The following UPF2 variants were observed in gnomAD, a reference collection of about 807,000 sequenced individuals.
UPF2 encodes regulator of nonsense transcripts 2.
Under a neutral mutation model 141.4 loss-of-function variants are expected in UPF2, and 17 were observed. The ratio of observed to expected loss-of-function variants is 0.12; its 90% CI spans 0.08 to 0.18. The LOEUF is 0.18. Among genes scored for constraint, UPF2 ranks in the 10% least tolerant of loss-of-function variants. The pLI, the probability that UPF2 is intolerant of heterozygous loss-of-function variation, is 1.00. For synonymous variants in UPF2, 540 were observed against 498.0 expected (o/e 1.08, Z -1.12); for missense variants, 1,152 against 1,515.9 (o/e 0.76, Z 3.99).
chr10:11,944,621 A>C (rs961126879), intron 16 of UPF2, among the ~76,000 whole-genome samples: 1 of 152,224 alleles, frequency 6.6e-6, no homozygotes, highest in Non-Finnish European at 1.5e-5. Context: ...GCTCTTGAAA[A>C]AATGAATCCT....
intron 15 of UPF2, among the ~76,000 whole-genome samples, chr10:11,951,080 G>C (rs1016674813): frequency 3.3e-5 from 5 of 151,946 alleles, no homozygotes; most frequent in African/African-American, 7.3e-5. Context: ...TTATTTTTTT[G>C]AGATGGAGTT....
At chr10:12,031,597 G>T (rs544112386) in intron 2 of UPF2, among the ~76,000 whole-genome samples, 3 of 152,064 alleles carry the variant, frequency 2.0e-5, no homozygotes, top group African/African-American at 7.2e-5. Flanking sequence ...AACATAGTAA[G>T]ACCCAATCTC....
intron 18 of UPF2, among the ~76,000 whole-genome samples, chr10:11,938,950 G>A (rs917860555): frequency 5.1e-4 from 67 of 131,720 alleles, no homozygotes; most frequent in African/African-American, 1.8e-3. Flanking sequence ...TCAGCTCACT[G>A]AAACCTCTGC....
intron 18 of UPF2, among the ~76,000 whole-genome samples, chr10:11,938,862 T>TTTTTTTTTTTG (rs1832894101): frequency 1.3e-5 from 1 of 79,858 alleles, no homozygotes; most frequent in African/African-American, 4.3e-5. Context: ...TGTTTTTTTT[T>TTTTTTTTTTTG]TTTTTTTTTT....
chr10:12,010,679 A>C (rs909322555), intron 4 of UPF2, among the ~76,000 whole-genome samples: 1 of 152,200 alleles, frequency 6.6e-6, no homozygotes, highest in Non-Finnish European at 1.5e-5. Flanking sequence ...TTGAAAAATA[A>C]AGGTCAAGAT....
intron 2 of UPF2, among the ~76,000 whole-genome samples, chr10:12,029,924 C>G (rs1834486433): frequency 6.7e-6 from 1 of 150,204 alleles, no homozygotes. Flanking sequence ...TGACACTGCA[C>G]TCTAGTCTGG....
At chr10:11,927,887 G>A (rs1446612302) in intron 21 of UPF2, among the ~76,000 whole-genome samples, 1 of 152,126 alleles carries the variant, frequency 6.6e-6, no homozygotes, top group Non-Finnish European at 1.5e-5. Flanking sequence ...AGGCTCTGAT[G>A]ACTACATTTT....
At chr10:11,982,467 T>G (rs1833615026) in intron 8 of UPF2, among the ~76,000 whole-genome samples, 1 of 152,166 alleles carries the variant, frequency 6.6e-6, no homozygotes, top group Admixed American at 6.5e-5. Flanking sequence ...TCAGGGCCTA[T>G]GCAATGGTCC....
chr10:11,995,229 A>G (rs1017228703), intron 8 of UPF2, among the ~76,000 whole-genome samples: 4 of 152,190 alleles, frequency 2.6e-5, no homozygotes, highest in African/African-American at 9.6e-5. Flanking sequence ...AAAAGCAGAA[A>G]GCAGTGGCAA....
intron 8 of UPF2, among the ~76,000 whole-genome samples, chr10:11,993,895 G>T (rs1285881295): frequency 6.6e-6 from 1 of 152,050 alleles, no homozygotes; most frequent in African/African-American, 2.4e-5. Flanking sequence ...AGGCTAACGT[G>T]AAAGGATTGC....
chr10:11,943,067 A>G lies in UPF2; in HGVS notation c.3276T>C (p.Asn1092=). 1 of 1,604,842 alleles carries G rather than the reference A, an allele frequency of 6.2e-7. No homozygotes were observed. Among genetic ancestry groups the G allele is most frequent in the African/African-American group, 1.3e-5 (1 of 74,846 alleles). Reference sequence around the variant, plus strand: ...TAAATTTTTCAGCCATACGTACAGTATTCTCTTCATCGGTTTCATTTTCCT... The same window carrying G: ...TAAATTTTTCAGCCATACGTACAGTGTTCTCTTCATCGGTTTCATTTTCCT... ...SNKENETDEE[N]TEVMIKGGGL... is the part of the protein sequence containing the mutation. The change falls in exon 17 of 22, where the codon AAT becomes AAC. Residue 1092 remains asparagine (N), a synonymous_variant. Transcript: ENST00000357604.
intron 3 of UPF2, among the ~76,000 whole-genome samples, chr10:12,022,511 T>C (rs908000299): frequency 6.6e-6 from 1 of 152,114 alleles, no homozygotes; most frequent in African/African-American, 2.4e-5. Context: ...CTCTAGAACA[T>C]AGCAAAGCAA....
chr10:12,010,707 A>G (rs11257477), intron 4 of UPF2, among the ~76,000 whole-genome samples: 9,869 of 152,202 alleles, frequency 0.065, 503 homozygotes, highest in South Asian at 0.24. Flanking sequence ...ATTTGATGAT[A>G]ACTATACACC....
intron 9 of UPF2, among the ~76,000 whole-genome samples, chr10:11,971,182 G>A (rs1337824667): frequency 6.6e-6 from 1 of 151,556 alleles, no homozygotes; most frequent in African/African-American, 2.4e-5. Flanking sequence ...AACTGAAGGC[G>A]TTTTAAAAGG....
chr10:11,971,152 C>A (rs1833410902), intron 9 of UPF2, among the ~76,000 whole-genome samples: 1 of 152,058 alleles, frequency 6.6e-6, no homozygotes, highest in Non-Finnish European at 1.5e-5. Flanking sequence ...TGATCTCACT[C>A]CCTCATTTTC....
In UPF2 at chr10:12,018,505, C is replaced by A. The variant is rs554491898; in HGVS notation, c.1146-4321G>T. ...CTGAGGTAGGAGAATCACTTGAATCCGGGAGGCAAAGGTTGCAGTGAGCCA... is the reference window on the plus strand; with the variant it reads ...CTGAGGTAGGAGAATCACTTGAATCAGGGAGGCAAAGGTTGCAGTGAGCCA... On this transcript the variant is annotated intron_variant, in intron 3 of 21. Coordinates refer to ENST00000357604, the MANE Select transcript of UPF2 (RefSeq NM_015542.4). Among the ~76,000 whole-genome samples the A allele has an allele frequency of 6.6e-5, 10 of 152,066 alleles. No individual in the cohort carries two copies. In the South Asian group the frequency reaches 1.9e-3, roughly 28 times the overall value.
chr10:11,960,955 T>C (rs1833231061), intron 11 of UPF2, among the ~76,000 whole-genome samples: 1 of 151,750 alleles, frequency 6.6e-6, no homozygotes, highest in Admixed American at 6.6e-5. Flanking sequence ...CCAGGCATAG[T>C]GGTGTGCATC....
intron 16 of UPF2, 111 bp downstream of exon 16, chr10:11,948,258 A>G: frequency 8.8e-7 from 1 of 1,135,786 alleles, no homozygotes; most frequent in South Asian, 1.8e-5. Flanking sequence ...AAAAAAAAAA[A>G]AAAAAAAAAA....
chr10:11,970,451 T>A (rs972434835), intron 9 of UPF2, among the ~76,000 whole-genome samples: 1 of 152,128 alleles, frequency 6.6e-6, no homozygotes, highest in Non-Finnish European at 1.5e-5. Context: ...ACTTTAAATG[T>A]TTTCTAAATT....
Sources: allele counts gnomAD v4.1 joint callset (sites outside exome capture counted in the v4.1 genomes callset), GRCh38; gene constraint gnomAD v4.1.1; transcripts MANE v1.5; gene names NCBI Gene and HGNC (gene_info 2026-07-23, HGNC 2026-07-21).